ABTB3: variants seen among roughly 807,000 people sequenced by gnomAD.
The protein encoded by ABTB3 is ankyrin repeat- and BTB/POZ domain-containing protein 3.
chr12:107,489,480 A>G, the ABTB3 span, among the ~76,000 whole-genome samples: 1 of 152,172 alleles, frequency 6.6e-6, no homozygotes, highest in Non-Finnish European at 1.5e-5. Flanking sequence ...AGTTTGCACC[A>G]TTGCTCTCCA....
chr12:107,405,473 T>C, the ABTB3 span, among the ~76,000 whole-genome samples: 1 of 151,686 alleles, frequency 6.6e-6, no homozygotes, highest in Middle Eastern at 3.2e-3. Context: ...CCACATCTCC[T>C]TTCTATAGCT....
chr12:107,507,566 T>C, the ABTB3 span, among the ~76,000 whole-genome samples: 34,715 of 152,038 alleles, frequency 0.23, 4,157 homozygotes, highest in African/African-American at 0.28. Flanking sequence ...CTCCTCCCAG[T>C]GATATACGAG....
the ABTB3 span, among the ~76,000 whole-genome samples, chr12:107,465,218 C>T: frequency 1.3e-5 from 2 of 152,082 alleles, no homozygotes; most frequent in African/African-American, 4.8e-5. Flanking sequence ...TCCAGTGCCC[C>T]GAGGATTTGA....
chr12:107,428,812 C>T, the ABTB3 span, among the ~76,000 whole-genome samples: 1 of 152,266 alleles, frequency 6.6e-6, no homozygotes, highest in African/African-American at 2.4e-5. Context: ...AGCGTCTGCT[C>T]GGTGCCAGGC....
At chr12:107,406,169 G>T in the ABTB3 span, among the ~76,000 whole-genome samples, 1 of 152,210 alleles carries the variant, frequency 6.6e-6, no homozygotes, top group Non-Finnish European at 1.5e-5. Context: ...CCATGGGGTT[G>T]TTGCAAAGAT....
At chr12:107,544,840 G>A in the ABTB3 span, among the ~76,000 whole-genome samples, 1 of 152,332 alleles carries the variant, frequency 6.6e-6, no homozygotes, top group South Asian at 2.1e-4. Flanking sequence ...GACTGCCTAG[G>A]TTCAAATCCA....
At chr12:107,435,113 A>C in the ABTB3 span, among the ~76,000 whole-genome samples, 2 of 152,202 alleles carry the variant, frequency 1.3e-5, no homozygotes, top group East Asian at 3.9e-4. Flanking sequence ...GTGCTACAAA[A>C]ACAAACCAAA....
the ABTB3 span, among the ~76,000 whole-genome samples, chr12:107,636,678 G>A: frequency 1.8e-4 from 28 of 152,326 alleles, no homozygotes; most frequent in African/African-American, 6.0e-4. Context: ...GAGGAAAACT[G>A]GGATGTGCCC....
the ABTB3 span, among the ~76,000 whole-genome samples, chr12:107,393,335 G>GAGGCACTTTGA: frequency 1.8e-5 from 2 of 112,530 alleles, no homozygotes; most frequent in African/African-American, 6.7e-5. Flanking sequence ...GTATCAGGCA[G>GAGGCACTTTGA]GGTGGGGGTG....
At chr12:107,325,583 A>C in the ABTB3 span, among the ~76,000 whole-genome samples, 10 of 152,202 alleles carry the variant, frequency 6.6e-5, no homozygotes, top group Admixed American at 3.3e-4. Flanking sequence ...TAACAAAATA[A>C]AAACAATGAA....
At chr12:107,331,772 C>T in the ABTB3 span, among the ~76,000 whole-genome samples, 1 of 152,296 alleles carries the variant, frequency 6.6e-6, no homozygotes, top group East Asian at 1.9e-4. Context: ...CTTTGGAAGC[C>T]CTCCCCACCC....
chr12:107,617,333 C>T, the ABTB3 span: 27 of 1,613,992 alleles, frequency 1.7e-5, no homozygotes, highest in East Asian at 2.2e-4. Context: ...GCTGTTGGAG[C>T]GTGGTGCCGA....
chr12:107,343,806 GA>G, the ABTB3 span, among the ~76,000 whole-genome samples: 5 of 152,126 alleles, frequency 3.3e-5, no homozygotes, highest in Non-Finnish European at 5.9e-5. Context: ...AGGAAGGAGA[GA>G]GAAGTGTGAG....
chr12:107,509,597 C>A, the ABTB3 span, among the ~76,000 whole-genome samples: 1 of 152,178 alleles, frequency 6.6e-6, no homozygotes, highest in Non-Finnish European at 1.5e-5. Flanking sequence ...CACTGTGCAG[C>A]ACAGCAGGGT....
At chr12:107,411,038 G>T in the ABTB3 span, among the ~76,000 whole-genome samples, 1 of 152,148 alleles carries the variant, frequency 6.6e-6, no homozygotes. Context: ...GGTGGCTCAT[G>T]CCCGTAATCC....
At chr12:107,533,784 G>C in the ABTB3 span, among the ~76,000 whole-genome samples, 1 of 152,300 alleles carries the variant, frequency 6.6e-6, no homozygotes, top group South Asian at 2.1e-4. Context: ...GGATTTAACA[G>C]ACATTATACA....
chr12:107,591,448 G>A, the ABTB3 span, among the ~76,000 whole-genome samples: 1 of 152,100 alleles, frequency 6.6e-6, no homozygotes, highest in Non-Finnish European at 1.5e-5. Flanking sequence ...GGCGGAAAAG[G>A]GCAAAGGGGG....
At chr12:107,503,690 G>A in the ABTB3 span, among the ~76,000 whole-genome samples, 1 of 147,810 alleles carries the variant, frequency 6.8e-6, no homozygotes, top group East Asian at 2.0e-4. Flanking sequence ...CCAGGAGGTC[G>A]AGGCTGCACT....
At chr12:107,437,923 T>C in the ABTB3 span, among the ~76,000 whole-genome samples, 2 of 151,576 alleles carry the variant, frequency 1.3e-5, no homozygotes, top group African/African-American at 4.9e-5. Context: ...GGGGTGGGGG[T>C]GGTTTGCCTT....
Sources: gnomAD v4.1 joint callset for allele counts (sites outside exome capture counted in the v4.1 genomes callset) on GRCh38, gnomAD v4.1.1 for gene constraint, MANE v1.5 for transcripts, NCBI Gene and HGNC (gene_info 2026-07-23, HGNC 2026-07-21) for gene names.